The following GPHN variants were observed in gnomAD, a reference collection of about 807,000 sequenced individuals.
GPHN encodes the protein gephyrin.
In GPHN, 17 loss-of-function variants were observed where a neutral mutation model predicts 95.5. The ratio of observed to expected loss-of-function variants is 0.18; its 90% CI spans 0.12 to 0.27. The LOEUF (loss-of-function observed/expected upper bound fraction) is 0.27. Ranked by LOEUF, GPHN falls within the 10% of genes least tolerant of loss-of-function variation. The pLI is 1.00. For missense variants in GPHN, 660 were observed against 978.1 expected (o/e 0.67, Z 4.34); for synonymous variants, 320 against 322.5 (o/e 0.99, Z 0.08).
chr14:67,611,829 T>C, the GPHN span, among the ~76,000 whole-genome samples: 1 of 152,240 alleles, frequency 6.6e-6, no homozygotes, highest in Non-Finnish European at 1.5e-5. Context: ...TCGTGTACTT[T>C]ATTGCTATTA....
At chr14:67,444,597 C>T in the GPHN span, among the ~76,000 whole-genome samples, 2 of 152,120 alleles carry the variant, frequency 1.3e-5, no homozygotes, top group African/African-American at 4.8e-5. Context: ...CCTTACACAC[C>T]TGAGTTTATG....
At chr14:67,351,919 A>T in the GPHN span, among the ~76,000 whole-genome samples, 2 of 151,926 alleles carry the variant, frequency 1.3e-5, no homozygotes, top group Admixed American at 6.6e-5. Flanking sequence ...ACCAAAAAAA[A>T]AAAGAAGACA....
the GPHN span, among the ~76,000 whole-genome samples, chr14:67,420,735 A>G: frequency 2.0e-5 from 3 of 152,250 alleles, no homozygotes; most frequent in Non-Finnish European, 2.9e-5. Flanking sequence ...GCACCCACCC[A>G]CACTGTCCTG....
intron 1 of GPHN, among the ~76,000 whole-genome samples, chr14:66,666,595 A>G (rs1037144851): frequency 6.6e-6 from 1 of 152,016 alleles, no homozygotes; most frequent in Admixed American, 6.6e-5. Context: ...TTTACTTGAA[A>G]AACTCTGACC....
chr14:66,760,978 A>G, intron 2 of GPHN: 1 of 618,626 alleles, frequency 1.6e-6, no homozygotes, highest in Non-Finnish European at 3.1e-6. Flanking sequence ...AAAATGGTAT[A>G]GCAGTTACCA....
chr14:67,684,392 G>T, the GPHN span: 5 of 152,168 alleles, frequency 3.3e-5, no homozygotes, highest in Non-Finnish European at 7.3e-5. Flanking sequence ...AGAGAATGGG[G>T]ATAGGGCAGA....
chr14:66,531,324 T>C (rs2058929592), intron 1 of GPHN, among the ~76,000 whole-genome samples: 1 of 152,044 alleles, frequency 6.6e-6, no homozygotes, highest in Non-Finnish European at 1.5e-5. Flanking sequence ...TTTAAAAAAT[T>C]GCCAGGAGTC....
chr14:66,512,251 C>T (rs891113245), intron 1 of GPHN, among the ~76,000 whole-genome samples: 3 of 151,840 alleles, frequency 2.0e-5, no homozygotes, highest in Non-Finnish European at 3.0e-5. Context: ...GAATATGTCA[C>T]TCTTCACATA....
intron 1 of GPHN, among the ~76,000 whole-genome samples, chr14:66,561,745 T>C (rs1326968350): frequency 1.3e-5 from 2 of 152,172 alleles, no homozygotes; most frequent in African/African-American, 4.8e-5. Flanking sequence ...TTATACAAAA[T>C]TACCATAAAT....
intron 1 of GPHN, among the ~76,000 whole-genome samples, chr14:66,666,750 G>A (rs950582185): frequency 5.3e-5 from 8 of 152,070 alleles, no homozygotes; most frequent in Non-Finnish European, 4.4e-5. Flanking sequence ...CTCTCTCACC[G>A]CTCCTGTTCA....
the GPHN span, chr14:67,557,494 TC>T: frequency 7.0e-7 from 1 of 1,421,486 alleles, no homozygotes; most frequent in South Asian, 1.3e-5. Context: ...CCTGAGCTGT[TC>T]CGCTCAAGCC....
intron 3 of GPHN, among the ~76,000 whole-genome samples, chr14:66,813,373 A>G (rs2060837135): frequency 1.3e-5 from 2 of 152,210 alleles, no homozygotes; most frequent in Admixed American, 1.3e-4. Flanking sequence ...GAAGGCATCA[A>G]GAGTGGACCA....
intron 8 of GPHN, among the ~76,000 whole-genome samples, chr14:66,935,699 T>TACGTATACATGTGTTTATGTGC (rs2067091638): frequency 6.6e-6 from 1 of 151,726 alleles, no homozygotes. Flanking sequence ...TATACATGTA[T>TACGTATACATGTGTTTATGTGC]ACGTATACAT....
At chr14:67,387,330 C>A in the GPHN span, 2 of 1,609,206 alleles carry the variant, frequency 1.2e-6, no homozygotes, top group South Asian at 1.1e-5. Context: ...AGGTCCTTGT[C>A]ATGTTAGCTT....
the GPHN span, among the ~76,000 whole-genome samples, chr14:67,246,180 T>C: frequency 6.6e-6 from 1 of 152,182 alleles, no homozygotes; most frequent in African/African-American, 2.4e-5. Flanking sequence ...GGTCTCTCTC[T>C]GTCCAGGCTG....
chr14:67,084,584 TTCTC>T (rs956005065), intron 11 of GPHN, among the ~76,000 whole-genome samples: 10 of 152,214 alleles, frequency 6.6e-5, no homozygotes, highest in African/African-American at 2.4e-4. Context: ...GTCTTTCTCT[TTCTC>T]TCATGCACTG....
At chr14:67,606,230 C>G in the GPHN span, among the ~76,000 whole-genome samples, 1 of 152,120 alleles carries the variant, frequency 6.6e-6, no homozygotes, top group Non-Finnish European at 1.5e-5. Context: ...TTGGCAGAAT[C>G]TGATACAGCG....
intron 19 of GPHN, among the ~76,000 whole-genome samples, chr14:67,162,644 C>G (rs2082038861): frequency 6.6e-6 from 1 of 152,190 alleles, no homozygotes; most frequent in Non-Finnish European, 1.5e-5. Context: ...GCATCACACA[C>G]TAATAATCAT....
chr14:67,669,780 T>C, the GPHN span, among the ~76,000 whole-genome samples: 4 of 152,126 alleles, frequency 2.6e-5, no homozygotes, highest in Non-Finnish European at 5.9e-5. Flanking sequence ...CTCATATCCA[T>C]TGAGGCTGGT....
Sources: allele counts gnomAD v4.1 joint callset (sites outside exome capture counted in the v4.1 genomes callset), GRCh38; gene constraint gnomAD v4.1.1; transcripts MANE v1.5; gene names NCBI Gene and HGNC (gene_info 2026-07-23, HGNC 2026-07-21).